DIP2C: variants seen among roughly 807,000 people sequenced by gnomAD.
The protein encoded by DIP2C is disco-interacting protein 2 homolog C.
DIP2C carries 33 observed loss-of-function variants against 192.4 expected under a neutral mutation model. That is an observed-to-expected ratio of 0.17 (90% confidence interval 0.13 to 0.23). The LOEUF is 0.23. Ranked by LOEUF, DIP2C falls within the 10% of genes least tolerant of loss-of-function variation. DIP2C has a pLI of 1.00. For synonymous variants in DIP2C, 979 were observed against 864.1 expected (o/e 1.13, Z -2.33); for missense variants, 1,537 against 2,110.1 (o/e 0.73, Z 5.32).
intron 32 of DIP2C, among the ~76,000 whole-genome samples, chr10:301,758 C>T (rs1191978315): frequency 6.6e-6 from 1 of 152,190 alleles, no homozygotes. Flanking sequence ...TGCAGGGTGG[C>T]CACAGTGCTC....
At chr10:438,369 A>G (rs1412578776) in intron 4 of DIP2C, among the ~76,000 whole-genome samples, 1 of 152,248 alleles carries the variant, frequency 6.6e-6, no homozygotes, top group African/African-American at 2.4e-5. Context: ...TTCGGTTTAA[A>G]ATATTTCAAG....
At chr10:298,627 GC>G (rs894743854) in intron 32 of DIP2C, among the ~76,000 whole-genome samples, 47 of 152,346 alleles carry the variant, frequency 3.1e-4, no homozygotes, top group Non-Finnish European at 5.4e-4. Flanking sequence ...GTGATGGGCA[GC>G]CGTCTGACAG....
intron 1 of DIP2C, among the ~76,000 whole-genome samples, chr10:657,408 C>G (rs1190677789): frequency 4.1e-5 from 1 of 24,686 alleles, no homozygotes; most frequent in African/African-American, 1.4e-4. Context: ...TGGACCTGCC[C>G]TTGGACCTGT....
At chr10:650,896 C>T (rs759518995) in intron 1 of DIP2C, 2 of 717,536 alleles carry the variant, frequency 2.8e-6, no homozygotes, top group Non-Finnish European at 5.2e-6. Context: ...TCGTGGGCCT[C>T]ACGGGGGAAG....
At chr10:293,962 G>A (rs1198246286) in intron 32 of DIP2C, among the ~76,000 whole-genome samples, 1 of 152,194 alleles carries the variant, frequency 6.6e-6, no homozygotes, top group African/African-American at 2.4e-5. Flanking sequence ...AATGAGCAAC[G>A]AGAGAAAACA....
Position 565,354 on chromosome 10 carries a change from T to TAAAAAAAAAAAAAAAAAAAAA in DIP2C, c.86-78825_86-78824insTTTTTTTTTTTTTTTTTTTTT, listed in dbSNP as rs59721670. On this transcript the variant is annotated intron_variant, in intron 1 of 36. Transcript: ENST00000280886. Reference sequence around the variant, plus strand: ...AAAATATGAAACAGTACCTGCATTCTAAAAAAAAAAAAAAAAAGACCTAGA... The same window carrying TAAAAAAAAAAAAAAAAAAAAA: ...AAAATATGAAACAGTACCTGCATTCTAAAAAAAAAAAAAAAAAAAAAAAAAAAAAAAAAAAAAAGACCTAGA... Among the ~76,000 whole-genome samples the TAAAAAAAAAAAAAAAAAAAAA allele has an allele frequency of 3.2e-4, 36 of 114,088 alleles. 1 individual carries two copies. Among genetic ancestry groups the TAAAAAAAAAAAAAAAAAAAAA allele is most frequent in the African/African-American group, 1.1e-3 (29 of 26,664 alleles). The allele number at this position is 114,088 out of a possible 152,430, so 74.8% of individuals were successfully genotyped here. A position where few individuals can be genotyped will look rare whatever the true frequency, so the allele number is the denominator to read the frequency against.
At chr10:643,437 C>G (rs1855302673) in intron 1 of DIP2C, among the ~76,000 whole-genome samples, 1 of 150,744 alleles carries the variant, frequency 6.6e-6, no homozygotes, top group Non-Finnish European at 1.5e-5. Context: ...TGGCACGAAC[C>G]CGGGAGGCGG....
chr10:409,264 A>AAACC (rs1478077099), intron 8 of DIP2C, among the ~76,000 whole-genome samples: 30 of 151,810 alleles, frequency 2.0e-4, no homozygotes, highest in Admixed American at 2.0e-3. Context: ...AAAAAAGCTA[A>AAACC]AACCAAGTGT....
At chr10:491,341 C>G (rs1844434708) in intron 1 of DIP2C, among the ~76,000 whole-genome samples, 1 of 152,226 alleles carries the variant, frequency 6.6e-6, no homozygotes, top group Non-Finnish European at 1.5e-5. Context: ...TATAACAAAG[C>G]AATCGTTTCC....
At chr10:457,218 CTATTT>C (rs760258412) in intron 3 of DIP2C, among the ~76,000 whole-genome samples, 13 of 152,140 alleles carry the variant, frequency 8.5e-5, no homozygotes, top group South Asian at 2.1e-4. Context: ...TATGCATCTC[CTATTT>C]TATTTTATTC....
chr10:412,682 C>CTGAAAGGCTAGG (rs1965265532), intron 8 of DIP2C, among the ~76,000 whole-genome samples: 1 of 152,174 alleles, frequency 6.6e-6, no homozygotes, highest in East Asian at 1.9e-4. Flanking sequence ...GAGCCCCACC[C>CTGAAAGGCTAGG]TGAAAGGCTA....
chr10:325,079 C>G (rs1957213837), intron 31 of DIP2C: 1 of 420,310 alleles, frequency 2.4e-6, no homozygotes, highest in Non-Finnish European at 4.8e-6. Context: ...TGCTGGCTAA[C>G]ACGGTGAAAC....
chr10:471,679 T>A (rs1026404814), intron 3 of DIP2C, among the ~76,000 whole-genome samples: 11 of 152,198 alleles, frequency 7.2e-5, no homozygotes, highest in Non-Finnish European at 1.3e-4. Flanking sequence ...AATTTTCTTT[T>A]AAAGAAGCAA....
intron 7 of DIP2C, among the ~76,000 whole-genome samples, chr10:414,562 T>G (rs1253793520): frequency 6.6e-6 from 1 of 151,714 alleles, no homozygotes; most frequent in Non-Finnish European, 1.5e-5. Flanking sequence ...TTGGCTGGAG[T>G]GCAGTGGCAT....
rs1365489220 is a variant in DIP2C at position 651,223 on chromosome 10, C to T, written c.85+38271G>A. 1 of 717,134 alleles carries T rather than the reference C, an allele frequency of 1.4e-6. No homozygotes were observed. 44.4% of individuals were successfully genotyped at this position (717,134 alleles called of 1,614,324 possible). The stretch of plus-strand genomic sequence containing the variant: ...CTACAGACCCTGTCCTCACCTGCAT[C>T]ACACCAATGATGGCGTCACAGCGTG... On this transcript the variant is annotated intron_variant, in intron 1 of 36. Coordinates refer to ENST00000280886, the MANE Select transcript of DIP2C (RefSeq NM_014974.3). The surrounding 1 kb of genome is among the most constrained non-coding windows in gnomAD (Gnocchi z 4.1).
chr10:472,391 G>T, intron 3 of DIP2C, 48 bp downstream of exon 3: 1 of 1,561,540 alleles, frequency 6.4e-7, no homozygotes, highest in South Asian at 1.1e-5. Context: ...GCACCGTCCT[G>T]GCACAGGTGG....
At chr10:573,072 G>A (rs1323252743) in intron 1 of DIP2C, among the ~76,000 whole-genome samples, 1 of 152,128 alleles carries the variant, frequency 6.6e-6, no homozygotes, top group Non-Finnish European at 1.5e-5. Context: ...CATTCTCGGA[G>A]GGAAATGCTA....
At chr10:522,921 C>T (rs746412178) in intron 1 of DIP2C, among the ~76,000 whole-genome samples, 3 of 150,400 alleles carry the variant, frequency 2.0e-5, no homozygotes, top group Non-Finnish European at 4.4e-5. Flanking sequence ...GAGCAAAGGA[C>T]CCTGGAGTGA....
chr10:424,688 C>T (rs7070162), intron 4 of DIP2C, among the ~76,000 whole-genome samples: 22,551 of 152,132 alleles, frequency 0.15, 1,796 homozygotes, highest in South Asian at 0.2. Flanking sequence ...AGAAAACTTA[C>T]ACAATTTCTA....
Sources: allele counts gnomAD v4.1 joint callset (sites outside exome capture counted in the v4.1 genomes callset), GRCh38; gene constraint gnomAD v4.1.1; non-coding constraint Gnocchi (gnomAD v3.1); transcripts MANE v1.5; gene names NCBI Gene and HGNC (gene_info 2026-07-23, HGNC 2026-07-21).